Variants in PARD3B observed in about 807,000 individuals in gnomAD.
The protein encoded by PARD3B is partitioning defective 3 homolog B.
In PARD3B, 103 loss-of-function variants were observed where a neutral mutation model predicts 130.2. The ratio of observed to expected loss-of-function variants is 0.79; its 90% CI spans 0.67 to 0.93. PARD3B has a LOEUF of 0.93. Among genes scored for constraint, PARD3B ranks in the 40% least tolerant of loss-of-function variants. The pLI is 0.00. For missense variants in PARD3B, 1,609 were observed against 1,499.2 expected, an observed-to-expected ratio of 1.07 and a Z score of -1.21; for synonymous variants, 583 against 553.2, an observed-to-expected ratio of 1.05 and a Z score of -0.76.
intron 15 of PARD3B, among the ~76,000 whole-genome samples, chr2:205,201,845 A>T (rs554029599): frequency 3.9e-5 from 6 of 152,368 alleles, no homozygotes; most frequent in African/African-American, 1.4e-4. Flanking sequence ...CTCAAAAAAT[A>T]AATAAATAAA....
At chr2:205,409,748 T>G (rs1428047455) in intron 19 of PARD3B, among the ~76,000 whole-genome samples, 1 of 152,134 alleles carries the variant, frequency 6.6e-6, no homozygotes, top group Admixed American at 6.5e-5. Flanking sequence ...ATTTTAAATA[T>G]TTTTAAAGAA....
At chr2:205,355,061 A>G (rs1373004009) in intron 18 of PARD3B, among the ~76,000 whole-genome samples, 1 of 152,208 alleles carries the variant, frequency 6.6e-6, no homozygotes, top group Non-Finnish European at 1.5e-5. Context: ...CCCATTGGCC[A>G]AGAGCGTCTC....
intron 10 of PARD3B, among the ~76,000 whole-genome samples, chr2:205,133,807 C>T (rs1432035874): frequency 6.6e-6 from 1 of 152,188 alleles, no homozygotes; most frequent in African/African-American, 2.4e-5. Context: ...TTGACTTTCT[C>T]AGGTCCAACT....
At chr2:204,591,950 T>C (rs1454993289) in intron 1 of PARD3B, among the ~76,000 whole-genome samples, 1 of 152,260 alleles carries the variant, frequency 6.6e-6, no homozygotes, top group Non-Finnish European at 1.5e-5. Flanking sequence ...TAAAGTTGTC[T>C]TTTAAATATA....
intron 4 of PARD3B, among the ~76,000 whole-genome samples, chr2:205,081,452 C>T (rs1401681801): frequency 6.6e-6 from 1 of 152,058 alleles, no homozygotes; most frequent in East Asian, 1.9e-4. Context: ...CTATATTGTA[C>T]TGCTAAATAG....
At chr2:204,901,925 G>A (rs2046872734) in intron 2 of PARD3B, among the ~76,000 whole-genome samples, 1 of 152,060 alleles carries the variant, frequency 6.6e-6, no homozygotes, top group African/African-American at 2.4e-5. Flanking sequence ...GGGGTCTCAG[G>A]AGTCTGCCTA....
intron 2 of PARD3B, among the ~76,000 whole-genome samples, chr2:204,849,178 G>C (rs1210021773): frequency 6.6e-6 from 1 of 151,778 alleles, no homozygotes. Flanking sequence ...TCAAATTTGG[G>C]GTCTATTAAT....
intron 15 of PARD3B, among the ~76,000 whole-genome samples, chr2:205,231,179 G>A (rs1466301901): frequency 6.6e-6 from 1 of 152,084 alleles, no homozygotes; most frequent in African/African-American, 2.4e-5. Flanking sequence ...CGGTGTGCTT[G>A]TGGGGAGGAT....
chr2:204,744,948 A>G (rs2040155085), intron 2 of PARD3B, among the ~76,000 whole-genome samples: 1 of 152,144 alleles, frequency 6.6e-6, no homozygotes, highest in Non-Finnish European at 1.5e-5. Flanking sequence ...AGAAGGACTG[A>G]GGGAAAAGAA....
intron 16 of PARD3B, among the ~76,000 whole-genome samples, chr2:205,295,997 C>A (rs180920351): frequency 2.1e-4 from 32 of 152,110 alleles, no homozygotes; most frequent in Admixed American, 8.5e-4. Flanking sequence ...TTATGAAGTC[C>A]TTTTTAGCTG....
At position 205,292,359 on chromosome 2, in the gene PARD3B, A is replaced by T. The variant is rs1299466683; in HGVS notation, c.2186-8171A>T. Reference sequence around the variant, plus strand: ...ACCAGGAAGCAGGCCCTCACCAGACACCAAATCTGTCAGCACCTTGATCTT... The same window carrying T: ...ACCAGGAAGCAGGCCCTCACCAGACTCCAAATCTGTCAGCACCTTGATCTT... On this transcript the variant is annotated intron_variant, in intron 16 of 22. Coordinates refer to ENST00000406610, the MANE Select transcript of PARD3B (RefSeq NM_001302769.2). This position sits in a 1 kb window ranked among gnomAD's most constrained non-coding sequence, Gnocchi z 5.3. 2.6e-5 allele frequency among the ~76,000 whole-genome samples: 4 copies of T among 152,152 alleles called. No homozygotes were observed. The highest frequency in any genetic ancestry group is 2.1e-4 in the South Asian group (1 of 4,828).
chr2:204,993,889 G>T (rs1693925793), intron 3 of PARD3B, among the ~76,000 whole-genome samples: 1 of 151,626 alleles, frequency 6.6e-6, no homozygotes, highest in Admixed American at 6.6e-5. Context: ...AGTATTCTCT[G>T]ATGGTAGTTT....
At chr2:205,422,918 T>C (rs2047019864) in intron 19 of PARD3B, among the ~76,000 whole-genome samples, 1 of 152,124 alleles carries the variant, frequency 6.6e-6, no homozygotes, top group Admixed American at 6.5e-5. Flanking sequence ...TTGCCTATCC[T>C]AACAAATGAA....
chr2:205,047,601 A>C lies in PARD3B; in HGVS notation c.415A>C (p.Arg139=), dbSNP rs1011486969. The change falls in exon 4 of 23, where the codon AGA becomes CGA. Residue 139 remains arginine (R), a synonymous_variant. Coordinates refer to ENST00000406610, the MANE Select transcript of PARD3B (RefSeq NM_001302769.2). ...LKLGTPLLVR[R]SSDPVPGPPA... is the part of the protein sequence containing the mutation. ...TCCAGGCACTCCACTGCTGGTGAGG[A>C]GAAGCAGTGACCCAGTGCCAGGCCC... 1.3e-6 allele frequency: 2 copies of C among 1,549,960 alleles called. No individual in the cohort carries two copies.
At chr2:205,025,845 T>C (rs1696981464) in intron 3 of PARD3B, among the ~76,000 whole-genome samples, 1 of 152,180 alleles carries the variant, frequency 6.6e-6, no homozygotes, top group Non-Finnish European at 1.5e-5. Flanking sequence ...CCTGACCTAA[T>C]AAGTTGAGTC....
At chr2:204,782,437 A>G (rs1206186769) in intron 2 of PARD3B, among the ~76,000 whole-genome samples, 1 of 151,424 alleles carries the variant, frequency 6.6e-6, no homozygotes, top group Non-Finnish European at 1.5e-5. Flanking sequence ...ATATAGACAC[A>G]TTACACATAA....
intron 19 of PARD3B, among the ~76,000 whole-genome samples, chr2:205,419,333 G>A (rs950789317): frequency 4.0e-4 from 56 of 140,122 alleles, no homozygotes; most frequent in South Asian, 6.8e-4. Flanking sequence ...TCTTGCCTTC[G>A]CCATGATGTG....
intron 20 of PARD3B, among the ~76,000 whole-genome samples, chr2:205,494,167 A>G (rs2049840668): frequency 6.6e-6 from 1 of 152,202 alleles, no homozygotes; most frequent in Non-Finnish European, 1.5e-5. Context: ...CCAAATGAAG[A>G]GCTACATCTT....
intron 1 of PARD3B, among the ~76,000 whole-genome samples, chr2:204,665,148 C>A: frequency 6.8e-6 from 1 of 147,846 alleles, no homozygotes; most frequent in East Asian, 2.0e-4. Flanking sequence ...CTCAGCTTTT[C>A]AAAATCTTTA....
Sources: allele counts gnomAD v4.1 joint callset (sites outside exome capture counted in the v4.1 genomes callset), GRCh38; gene constraint gnomAD v4.1.1; non-coding constraint Gnocchi (gnomAD v3.1); transcripts MANE v1.5; gene names NCBI Gene and HGNC (gene_info 2026-07-23, HGNC 2026-07-21).